The following NCOA5 variants were observed in gnomAD, a reference collection of about 807,000 sequenced individuals.
NCOA5 encodes NCoA-5.
A neutral mutation model predicts 59.0 loss-of-function variants in NCOA5; 12 were observed. The observed-to-expected ratio is 0.20, with a 90% CI of 0.13 to 0.33. The LOEUF (loss-of-function observed/expected upper bound fraction) is 0.33, where lower values mean the gene tolerates loss of function less well. NCOA5 is among the 10% of genes least tolerant of loss of function. The pLI is 1.00. For synonymous variants in NCOA5, 270 were observed against 275.5 expected (o/e 0.98, Z 0.20); for missense variants, 655 against 766.6 (o/e 0.85, Z 1.72).
At chr20:46,086,525 C>T (rs762903957) in intron 1 of NCOA5, among the ~76,000 whole-genome samples, 44 of 152,130 alleles carry the variant, frequency 2.9e-4, no homozygotes, top group Non-Finnish European at 4.4e-4. Flanking sequence ...GAGACAGTGG[C>T]TTTACCCTGA....
At chr20:46,070,640 A>C in intron 2 of NCOA5, 104 bp from the exon 3 acceptor site, 1 of 1,095,468 alleles carries the variant, frequency 9.1e-7, no homozygotes, top group Non-Finnish European at 1.3e-6. Context: ...TTCTTCTCTA[A>C]AACAGGGCAG....
chr20:46,077,713 C>T (rs1029464565), intron 2 of NCOA5, among the ~76,000 whole-genome samples: 11 of 152,210 alleles, frequency 7.2e-5, no homozygotes, highest in African/African-American at 2.7e-4. Flanking sequence ...AAATTGGATA[C>T]ACACCTTATC....
At chr20:46,072,487 A>G (rs900199258) in intron 2 of NCOA5, among the ~76,000 whole-genome samples, 3 of 152,190 alleles carry the variant, frequency 2.0e-5, no homozygotes, top group Admixed American at 6.5e-5. Context: ...GATGTGTGCC[A>G]CTGTGCCAGG....
rs754778063 is a variant in NCOA5, at chr20:46,062,851, C to A, written c.1189G>T (p.Ala397Ser). Residue 397 changes from alanine (A) to serine (S), a missense_variant, in exon 8 of 8, where the codon GCC becomes TCC. Physicochemically the swap from Ala to Ser is moderately conservative, Grantham distance 99. Coordinates refer to ENST00000290231, the MANE Select transcript of NCOA5 (RefSeq NM_020967.3). ...GAGCTTGGCTGTGTCTTCAGCGAGG[C>A]ACCCGAGGTCGCCCCGAGTGGTTGG... ...SRQPLGATSG[A>S]SLKTQPSSQP... 2.0e-6 allele frequency: 3 copies of A among 1,524,708 alleles called. No homozygotes were observed. The highest frequency in any genetic ancestry group is 2.6e-5 in the South Asian group (2 of 76,674). The allele number at this position is 1,524,708 out of a possible 1,614,324, so 94.4% of individuals were successfully genotyped here.
chr20:46,070,443 A>G lies in NCOA5; in HGVS notation c.132T>C (p.Asn44=). Residue 44 remains asparagine (N), a synonymous_variant, in exon 3 of 8, where the codon AAT becomes AAC. Coordinates refer to ENST00000290231, the MANE Select transcript of NCOA5 (RefSeq NM_020967.3). ...CTCTGCTGTCCCGGGCATCCCGGCC[A>G]TTTCTGCCATCCCTGGGCTCTCTCC... The part of the protein sequence containing the change: ...SPRREPRDGR[N]GRDARDSRDI... 1.2e-6 allele frequency: 2 copies of G among 1,613,676 alleles called. No homozygotes were observed. The highest frequency in any genetic ancestry group is 1.7e-6 in the Non-Finnish European group (2 of 1,179,936).
Position 46,089,924 on chromosome 20 carries a change from C to G in NCOA5, c.-137G>C, listed in dbSNP as rs994415278. 6.6e-6 allele frequency: 1 copy of G among 152,236 alleles called. No individual in the cohort carries two copies. The highest frequency in any genetic ancestry group is 6.5e-5 in the Admixed American group (1 of 15,292). 9.4% of individuals were successfully genotyped at this position (152,236 alleles called of 1,614,324 possible). ...GTAGGACAAAGGCGCCACCAACCGA[C>G]CGGCGCGGGCACGAGGCAATGGCGG... On this transcript the variant is annotated 5_prime_UTR_variant, in exon 1 of 8. Coordinates refer to ENST00000290231, the MANE Select transcript of NCOA5 (RefSeq NM_020967.3).
intron 2 of NCOA5, among the ~76,000 whole-genome samples, chr20:46,076,020 C>T (rs1415369186): frequency 1.3e-5 from 2 of 152,140 alleles, no homozygotes; most frequent in African/African-American, 2.4e-5. Flanking sequence ...ACTGAAACAT[C>T]TGAAGAGGTG....
At chr20:46,075,033 C>T (rs2084922494) in intron 2 of NCOA5, among the ~76,000 whole-genome samples, 1 of 152,160 alleles carries the variant, frequency 6.6e-6, no homozygotes, top group Admixed American at 6.5e-5. Context: ...ATATACTGTC[C>T]ACAAATATCA....
rs143480594 is a variant in NCOA5, at chr20:46,068,370, AT to A, written c.502+131del. 249 of 893,440 alleles carry A rather than the reference AT, an allele frequency of 2.8e-4. 1 individual carries two copies. In the African/African-American group the frequency reaches 4.0e-3, roughly 14 times the overall value. 55.3% of individuals were successfully genotyped at this position (893,440 alleles called of 1,614,324 possible). ...CTTTACCCACTAATAAGCTACTTAT[AT>A]TTCTTCTTTTTATACACTGCTTGGC... On this transcript the variant is annotated intron_variant, in intron 4 of 7. Transcript: ENST00000290231.
intron 1 of NCOA5, among the ~76,000 whole-genome samples, chr20:46,084,738 T>G (rs1229023480): frequency 6.6e-6 from 1 of 152,154 alleles, no homozygotes; most frequent in Non-Finnish European, 1.5e-5. Context: ...CTATGTTGAC[T>G]CAAGGAGAAA....
chr20:46,066,959 T>A, intron 5 of NCOA5, 96 bp downstream of exon 5: 1 of 1,396,500 alleles, frequency 7.2e-7, no homozygotes, highest in Non-Finnish European at 9.7e-7. Context: ...AATGCAAGAA[T>A]ACACAGCTCA....
intron 1 of NCOA5, among the ~76,000 whole-genome samples, chr20:46,086,989 A>G (rs1041759598): frequency 6.6e-6 from 1 of 152,208 alleles, no homozygotes; most frequent in Non-Finnish European, 1.5e-5. Flanking sequence ...ATTATCTCCA[A>G]TGATGTCTTG....
At chr20:46,075,449 A>G (rs996061063) in intron 2 of NCOA5, among the ~76,000 whole-genome samples, 1 of 152,200 alleles carries the variant, frequency 6.6e-6, no homozygotes, top group Non-Finnish European at 1.5e-5. Context: ...TTCAGGTCAT[A>G]TAAGAAACTT....
In NCOA5 at chr20:46,070,288, GAGTCTCTTAGATCACGAA is replaced by G. The variant is rs1449532851; in HGVS notation, c.269_286del (p.Phe90_Asp95del). 17 of 1,613,814 alleles carry G rather than the reference GAGTCTCTTAGATCACGAA, an allele frequency of 1.1e-5. No individual in the cohort carries two copies. The highest frequency in any genetic ancestry group is 1.4e-5 in the Non-Finnish European group (16 of 1,180,014). On this transcript the variant is annotated inframe_deletion, in exon 3 of 8. Transcript: ENST00000290231. ...GTCTCGCTGATCTCGAAAATCCCTAGAGTCTCTTAGATCACGAAAGTCTCTAAGATCCCTCACGTCCCG... is the reference window on the plus strand; with the variant it reads ...GTCTCGCTGATCTCGAAAATCCCTAGAGTCTCTAAGATCCCTCACGTCCCG...
At position 46,088,127 on chromosome 20, in the gene NCOA5, G is replaced by A. The variant is rs149726285; in HGVS notation, c.-30+1690C>T. Among the ~76,000 whole-genome samples the A allele has an allele frequency of 6.2e-4, 94 of 152,240 alleles. No homozygotes were observed. In the East Asian group the frequency reaches 0.016, roughly 26 times the overall value. On this transcript the variant is annotated intron_variant, in intron 1 of 7. Coordinates refer to ENST00000290231, the MANE Select transcript of NCOA5 (RefSeq NM_020967.3). ...TTACATTCACATAAACAGATCTTAT[G>A]AACACACTATTAACTTACAAGTAAG...
At position 46,070,165 on chromosome 20, in the gene NCOA5, T is replaced by C. The variant is rs1371401695; in HGVS notation, c.365+45A>G. On this transcript the variant is annotated intron_variant, in intron 3 of 7. Coordinates refer to ENST00000290231, the MANE Select transcript of NCOA5 (RefSeq NM_020967.3). ...TTCAATTAGTTTAGCAGAACATACATAAAAAGAACTCAGGAAAAAACAAGC... is the reference window on the plus strand; with the variant it reads ...TTCAATTAGTTTAGCAGAACATACACAAAAAGAACTCAGGAAAAAACAAGC... The C allele has an allele frequency of 8.0e-6, 12 of 1,498,614 alleles. No individual in the cohort carries two copies. The Admixed American group carries it at 1.4e-4, about 18-fold the overall frequency. 92.8% of individuals were successfully genotyped at this position (1,498,614 alleles called of 1,614,324 possible). A position where few individuals can be genotyped will look rare whatever the true frequency, so the allele number is the denominator to read the frequency against.
intron 5 of NCOA5, among the ~76,000 whole-genome samples, chr20:46,065,528 A>T (rs1334948521): frequency 6.6e-6 from 1 of 152,174 alleles, no homozygotes; most frequent in Non-Finnish European, 1.5e-5. Context: ...TGTGGCACTT[A>T]TCTCTTTTTG....
chr20:46,071,433 CTT>C (rs1195774129), intron 2 of NCOA5, among the ~76,000 whole-genome samples: 3 of 152,222 alleles, frequency 2.0e-5, no homozygotes, highest in Admixed American at 2.0e-4. Context: ...GTCCCGTTCA[CTT>C]TTTCTTTCCA....
chr20:46,072,172 A>T (rs912964414), intron 2 of NCOA5, among the ~76,000 whole-genome samples: 6 of 152,286 alleles, frequency 3.9e-5, no homozygotes, highest in Admixed American at 3.3e-4. Context: ...ACTGAAGGCC[A>T]GCGCATAATC....
Sources: gnomAD v4.1 joint callset for allele counts (sites outside exome capture counted in the v4.1 genomes callset) on GRCh38, gnomAD v4.1.1 for gene constraint, MANE v1.5 for transcripts, NCBI Gene and HGNC (gene_info 2026-07-23, HGNC 2026-07-21) for gene names.